The following AGBL4 variants were observed in gnomAD, a reference collection of about 807,000 sequenced individuals.
AGBL4 encodes the protein AGBL carboxypeptidase 4, also known as cytosolic carboxypeptidase 6.
Under a neutral mutation model 66.4 loss-of-function variants are expected in AGBL4, and 58 were observed. That is an observed-to-expected ratio of 0.87 (90% CI 0.71 to 1.09). AGBL4 has a LOEUF of 1.09. AGBL4 is among the 50% of genes least tolerant of loss of function. The probability of loss-of-function intolerance (pLI) is 0.00; values close to 1 mark genes in which losing one functional copy is unlikely to be tolerated. For missense variants in AGBL4, 579 were observed against 631.0 expected, an observed-to-expected ratio of 0.92 and a Z score of 0.88; for synonymous variants, 234 against 222.9, an observed-to-expected ratio of 1.05 and a Z score of -0.44.
chr1:48,661,543 A>G (rs781614058), intron 7 of AGBL4, among the ~76,000 whole-genome samples: 4 of 152,202 alleles, frequency 2.6e-5, no homozygotes, highest in Admixed American at 1.3e-4. Flanking sequence ...CTGTCAAGGA[A>G]CAGACATTTA....
chr1:49,696,226 A>G (rs770280929), intron 3 of AGBL4, among the ~76,000 whole-genome samples: 1 of 152,170 alleles, frequency 6.6e-6, no homozygotes, highest in Non-Finnish European at 1.5e-5. Flanking sequence ...AGTTGTCTCA[A>G]TATAACGGAA....
At chr1:49,152,149 A>C (rs1255974159) in intron 4 of AGBL4, among the ~76,000 whole-genome samples, 1 of 152,232 alleles carries the variant, frequency 6.6e-6, no homozygotes, top group Non-Finnish European at 1.5e-5. Flanking sequence ...TAAAATTCAA[A>C]GGGATTAAGT....
chr1:49,143,563 T>C (rs542709657), intron 4 of AGBL4, among the ~76,000 whole-genome samples: 10 of 152,324 alleles, frequency 6.6e-5, no homozygotes, highest in African/African-American at 2.4e-4. Flanking sequence ...GCTTTTAACA[T>C]TCTTCTTGTC....
intron 3 of AGBL4, among the ~76,000 whole-genome samples, chr1:49,282,809 G>A (rs1023284690): frequency 1.1e-4 from 16 of 152,124 alleles, no homozygotes; most frequent in Non-Finnish European, 1.5e-4. Context: ...TGCGCTTTTC[G>A]GACGGGCTTA....
intron 5 of AGBL4, among the ~76,000 whole-genome samples, chr1:48,923,813 C>T (rs752451328): frequency 1.3e-5 from 2 of 152,154 alleles, no homozygotes; most frequent in African/African-American, 2.4e-5. Context: ...TTCATACATC[C>T]GTGGGCATGT....
chr1:49,172,787 T>C (rs1031786342), intron 4 of AGBL4, among the ~76,000 whole-genome samples: 1 of 152,082 alleles, frequency 6.6e-6, no homozygotes, highest in Non-Finnish European at 1.5e-5. Flanking sequence ...CAGGGAAGCA[T>C]GGTAGGGGTT....
rs181098737 is a variant in AGBL4 at position 48,566,297 on chromosome 1, G to A, written c.1267+20707C>T. ...TCACAATGTTTTCCCTGTTTTGTAA[G>A]TTCCTTCACTAGACTGTGAGGGTAG... On this transcript the variant is annotated intron_variant, in intron 11 of 13. Coordinates refer to ENST00000371839, the MANE Select transcript of AGBL4 (RefSeq NM_032785.4). Among the ~76,000 whole-genome samples, 305 of 152,234 alleles carry A rather than the reference G, an allele frequency of 2.0e-3. 1 individual carries two copies. Among genetic ancestry groups the A allele is most frequent in the Middle Eastern group, 3.4e-3 (1 of 294 alleles).
intron 4 of AGBL4, among the ~76,000 whole-genome samples, chr1:49,064,267 A>G (rs1055496529): frequency 6.6e-6 from 1 of 152,132 alleles, no homozygotes; most frequent in Non-Finnish European, 1.5e-5. Flanking sequence ...ATAGCAATTT[A>G]TTTCCTATGT....
At chr1:49,441,197 C>T (rs1457468172) in intron 3 of AGBL4, among the ~76,000 whole-genome samples, 3 of 152,026 alleles carry the variant, frequency 2.0e-5, no homozygotes, top group Non-Finnish European at 4.4e-5. Context: ...GTGCTACACT[C>T]GAAAATAAAT....
At chr1:49,384,178 T>C (rs1019730323) in intron 3 of AGBL4, among the ~76,000 whole-genome samples, 13 of 152,018 alleles carry the variant, frequency 8.6e-5, no homozygotes, top group African/African-American at 3.1e-4. Flanking sequence ...TGGCAGAAAA[T>C]GTTTGCAAAC....
intron 5 of AGBL4, among the ~76,000 whole-genome samples, chr1:49,042,803 T>C (rs1643978106): frequency 6.6e-6 from 1 of 152,230 alleles, no homozygotes; most frequent in Non-Finnish European, 1.5e-5. Context: ...TTATTTTGAA[T>C]ATCTATTATT....
At chr1:49,590,766 A>T (rs554266440) in intron 3 of AGBL4, among the ~76,000 whole-genome samples, 1 of 152,206 alleles carries the variant, frequency 6.6e-6, no homozygotes, top group South Asian at 2.1e-4. Flanking sequence ...TAAGAGAAAA[A>T]TATGCATTAA....
At chr1:48,767,113 G>A (rs1483771710) in intron 6 of AGBL4, among the ~76,000 whole-genome samples, 1 of 152,144 alleles carries the variant, frequency 6.6e-6, no homozygotes, top group African/African-American at 2.4e-5. Context: ...GGGAGAGGGT[G>A]GCCCAGTATC....
At chr1:49,290,346 A>G (rs1186966032) in intron 3 of AGBL4, among the ~76,000 whole-genome samples, 1 of 152,152 alleles carries the variant, frequency 6.6e-6, no homozygotes, top group Admixed American at 6.5e-5. Context: ...ATCTGAGGAC[A>G]AGTTCTTCTC....
chr1:49,979,861 A>G (rs1002700751), intron 1 of AGBL4, among the ~76,000 whole-genome samples: 4 of 152,232 alleles, frequency 2.6e-5, no homozygotes, highest in African/African-American at 9.6e-5. Context: ...ACAAAAAAAA[A>G]TTAATTGCTT....
intron 4 of AGBL4, among the ~76,000 whole-genome samples, chr1:49,193,928 T>TA (rs774382118): frequency 3.9e-5 from 6 of 152,236 alleles, no homozygotes; most frequent in African/African-American, 7.2e-5. Context: ...TTTTGTGACC[T>TA]AATATATGGT....
At chr1:48,743,205 G>C (rs1419225493) in intron 6 of AGBL4, among the ~76,000 whole-genome samples, 1 of 152,196 alleles carries the variant, frequency 6.6e-6, no homozygotes, top group Non-Finnish European at 1.5e-5. Flanking sequence ...GCTTAGGAAA[G>C]TGTGGGCAAA....
chr1:49,513,673 G>T (rs1044138782), intron 3 of AGBL4, among the ~76,000 whole-genome samples: 1 of 151,974 alleles, frequency 6.6e-6, no homozygotes, highest in African/African-American at 2.4e-5. Flanking sequence ...TTTCATTACA[G>T]ATAAAGATAT....
At chr1:49,058,621 C>A (rs1049898855) in intron 4 of AGBL4, among the ~76,000 whole-genome samples, 2 of 152,136 alleles carry the variant, frequency 1.3e-5, no homozygotes, top group African/African-American at 4.8e-5. Flanking sequence ...TGTAAAGATA[C>A]CCCAAATGTG....
Sources: gnomAD v4.1 joint callset for allele counts (sites outside exome capture counted in the v4.1 genomes callset) on GRCh38, gnomAD v4.1.1 for gene constraint, MANE v1.5 for transcripts, NCBI Gene and HGNC (gene_info 2026-07-23, HGNC 2026-07-21) for gene names.